The following NUP155 variants were observed in gnomAD, a reference collection of about 807,000 sequenced individuals.
NUP155 encodes the protein nuclear pore complex protein Nup155.
A neutral mutation model predicts 180.4 loss-of-function variants in NUP155; 71 were observed. The ratio of observed to expected loss-of-function variants is 0.39; its 90% CI spans 0.33 to 0.48. The LOEUF (loss-of-function observed/expected upper bound fraction) is 0.48. Ranked by LOEUF, NUP155 falls within the 20% of genes least tolerant of loss-of-function variation. NUP155 has a pLI of 0.91. For missense variants in NUP155, 1,553 were observed against 1,648.9 expected, an observed-to-expected ratio of 0.94 and a Z score of 1.01; for synonymous variants, 582 against 559.5, an observed-to-expected ratio of 1.04 and a Z score of -0.57.
intron 12 of NUP155, 145 bp from the exon 13 acceptor site, chr5:37,333,778 TC>T: frequency 1.4e-6 from 1 of 692,922 alleles, no homozygotes; most frequent in Non-Finnish European, 2.4e-6. Context: ...TTTTCTACTA[TC>T]TTTTTTTTAA....
intron 14 of NUP155, among the ~76,000 whole-genome samples, chr5:37,331,297 G>A (rs556290180): frequency 3.7e-4 from 57 of 152,250 alleles, no homozygotes; most frequent in African/African-American, 1.3e-3. Flanking sequence ...TTTATGGCTG[G>A]GCTTGGTGGC....
intron 21 of NUP155, among the ~76,000 whole-genome samples, chr5:37,316,268 G>A (rs1202067561): frequency 6.6e-6 from 1 of 152,162 alleles, no homozygotes; most frequent in Non-Finnish European, 1.5e-5. Context: ...ATTCTGACAC[G>A]TTACAACATG....
chr5:37,295,577 G>A (rs1228592949), intron 32 of NUP155, among the ~76,000 whole-genome samples: 2 of 111,638 alleles, frequency 1.8e-5, no homozygotes, highest in Admixed American at 1.8e-4. Context: ...TCTCTGCCCA[G>A]CCGCCATCCC....
At chr5:37,347,822 G>A (rs1197124603) in intron 9 of NUP155, among the ~76,000 whole-genome samples, 3 of 151,706 alleles carry the variant, frequency 2.0e-5, no homozygotes, top group East Asian at 2.0e-4. Context: ...CCAACATGGC[G>A]AAACCCAATC....
At chr5:37,323,734 A>G (rs1744401142) in intron 20 of NUP155, among the ~76,000 whole-genome samples, 1 of 151,510 alleles carries the variant, frequency 6.6e-6, no homozygotes, top group Non-Finnish European at 1.5e-5. Flanking sequence ...GTGGAGACAG[A>G]AAGTAGATTA....
rs7710222 is a variant in NUP155 at position 37,346,952 on chromosome 5, G to A, written c.995+1553C>T. Among the ~76,000 whole-genome samples the A allele has an allele frequency of 7.3e-3, 1,115 of 152,244 alleles. 18 individuals carry two copies. The highest frequency in any genetic ancestry group is 0.025 in the African/African-American group (1,047 of 41,544). On this transcript the variant is annotated intron_variant, in intron 9 of 34. Transcript: ENST00000231498. The stretch of plus-strand genomic sequence containing the variant: ...TGTTAAAAGAGTGAGTAGTGGCCGG[G>A]TGCAGTGGCTCATGCCTGTAACCCC...
At chr5:37,365,738 A>ATATATATAT (rs1294810603) in intron 1 of NUP155, among the ~76,000 whole-genome samples, 3 of 37,142 alleles carry the variant, frequency 8.1e-5, no homozygotes, top group African/African-American at 3.2e-4. Context: ...AAAAAAAAAA[A>ATATATATAT]ATATATATAT....
In NUP155 at chr5:37,354,310, CTTATT is replaced by C. The variant is rs561669896; in HGVS notation, c.464-1486_464-1482del. ...TACAGGCATATGGCACCATGCCCAG[CTTATT>C]TTGTATTTTTAGTAGAGACACGGTT... On this transcript the variant is annotated intron_variant, in intron 4 of 34. Transcript: ENST00000231498. 2.9e-3 allele frequency among the ~76,000 whole-genome samples: 437 copies of C among 152,124 alleles called. 1 individual carries two copies. The highest frequency in any genetic ancestry group is 9.8e-3 in the African/African-American group (408 of 41,508).
At chr5:37,341,665 C>T (rs1424887448) in intron 10 of NUP155, among the ~76,000 whole-genome samples, 2 of 152,238 alleles carry the variant, frequency 1.3e-5, no homozygotes, top group African/African-American at 4.8e-5. Flanking sequence ...CTCAGCCTCC[C>T]GAGTAGCTGG....
intron 11 of NUP155, among the ~76,000 whole-genome samples, chr5:37,339,225 T>C (rs1397695163): frequency 6.7e-6 from 1 of 149,648 alleles, no homozygotes; most frequent in African/African-American, 2.5e-5. Flanking sequence ...GGCAGGAGGA[T>C]TGCTTGAGCC....
chr5:37,352,610 T>G (rs1746539455), intron 5 of NUP155, 127 bp downstream of exon 5: 1 of 688,664 alleles, frequency 1.5e-6, no homozygotes. Context: ...GCCTGAGGAT[T>G]TGGCAGTAAT....
At chr5:37,320,097 T>C (rs1441728310) in intron 20 of NUP155, among the ~76,000 whole-genome samples, 2 of 151,462 alleles carry the variant, frequency 1.3e-5, no homozygotes, top group African/African-American at 4.9e-5. Context: ...AGTCTGAGAT[T>C]GCAGGGAATA....
chr5:37,319,624 T>C (rs185175143), intron 20 of NUP155, among the ~76,000 whole-genome samples: 1 of 152,204 alleles, frequency 6.6e-6, no homozygotes, highest in Admixed American at 6.5e-5. Context: ...CCAGCATTTT[T>C]TGAGGCCAAG....
intron 32 of NUP155, among the ~76,000 whole-genome samples, chr5:37,297,105 T>C (rs778274063): frequency 1.1e-4 from 17 of 152,076 alleles, no homozygotes; most frequent in Non-Finnish European, 2.2e-4. Context: ...GAAAAAAATA[T>C]ATATATATAA....
chr5:37,347,215 G>A (rs952255081), intron 9 of NUP155, among the ~76,000 whole-genome samples: 8 of 151,880 alleles, frequency 5.3e-5, no homozygotes, highest in Admixed American at 1.3e-4. Context: ...GCAACAGAGC[G>A]AGACTCCATC....
intron 12 of NUP155, among the ~76,000 whole-genome samples, chr5:37,335,956 C>G (rs534447819): frequency 6.6e-6 from 1 of 151,718 alleles, no homozygotes; most frequent in South Asian, 2.1e-4. Context: ...CAGAGTGAAA[C>G]CTTGTCTCAA....
intron 21 of NUP155, among the ~76,000 whole-genome samples, chr5:37,317,098 G>T (rs1380640113): frequency 6.6e-6 from 1 of 151,792 alleles, no homozygotes; most frequent in Admixed American, 6.6e-5. Context: ...GAACCCGGGA[G>T]GTGGAGCTTG....
intron 24 of NUP155, among the ~76,000 whole-genome samples, chr5:37,308,875 C>CAAAAAA (rs59572976): frequency 8.7e-5 from 6 of 68,854 alleles, no homozygotes; most frequent in African/African-American, 3.3e-4. Flanking sequence ...GCGAGACTCT[C>CAAAAAA]AAAAAAAAAA....
At position 37,299,489 on chromosome 5, in the gene NUP155, G is replaced by A. The variant is rs745718041; in HGVS notation, c.3641C>T (p.Pro1214Leu). The stretch of plus-strand genomic sequence containing the variant: ...TTGCCAAAGTGTCTGCACCAATATA[G>A]GGTCTGAATAACCGGCACAATGAAT... The part of the protein sequence containing the change: ...AIIHCAGYSD[P>L]ILVQTLWQDI... The change falls in exon 31 of 35, where the codon CCT (proline) becomes CTT (leucine). Residue 1214 changes from proline (P) to leucine (L), a missense_variant. Pro to Leu is a moderately conservative substitution (Grantham distance 98, BLOSUM62 -3). Transcript: ENST00000231498. The A allele has an allele frequency of 3.1e-6, 5 of 1,613,874 alleles. No homozygotes were observed. In the East Asian group the frequency reaches 8.9e-5, roughly 29 times the overall value.
Sources: allele counts gnomAD v4.1 joint callset (sites outside exome capture counted in the v4.1 genomes callset), GRCh38; gene constraint gnomAD v4.1.1; transcripts MANE v1.5; gene names NCBI Gene and HGNC (gene_info 2026-07-23, HGNC 2026-07-21).